Variants in KCNJ1 observed in about 807,000 individuals in gnomAD.
KCNJ1 encodes the protein ATP-sensitive inward rectifier potassium channel 1.
A neutral mutation model predicts 21.9 loss-of-function variants in KCNJ1; 24 were observed. The ratio of observed to expected loss-of-function variants is 1.10; its 90% CI spans 0.79 to 1.54. KCNJ1 has a LOEUF of 1.54. Ranked by LOEUF, KCNJ1 falls within the 40% of genes most tolerant of loss-of-function variation. The pLI is 0.00. For missense variants in KCNJ1, 457 were observed against 455.4 expected (o/e 1.00, Z -0.03); for synonymous variants, 152 against 160.9 (o/e 0.94, Z 0.42).
intron 1 of KCNJ1, 124 bp downstream of exon 1, chr11:128,867,045 TTCTA>T (rs1379470861): frequency 5.3e-5 from 8 of 152,214 alleles, no homozygotes; most frequent in African/African-American, 1.9e-4. Flanking sequence ...AAAACCATGC[TTCTA>T]TCTATCCCCC....
At chr11:128,862,063 C>T (rs552880383) in intron 1 of KCNJ1, among the ~76,000 whole-genome samples, 2 of 152,292 alleles carry the variant, frequency 1.3e-5, no homozygotes, top group African/African-American at 4.8e-5. Flanking sequence ...TGGGTCGCAC[C>T]GCTCATCTTG....
intron 1 of KCNJ1, among the ~76,000 whole-genome samples, chr11:128,865,854 C>T (rs1230547290): frequency 6.6e-6 from 1 of 152,020 alleles, no homozygotes; most frequent in Non-Finnish European, 1.5e-5. Context: ...TTACAAACTT[C>T]TTATATTAAA....
At chr11:128,855,780 T>C (rs1487512485) in intron 1 of KCNJ1, among the ~76,000 whole-genome samples, 2 of 152,188 alleles carry the variant, frequency 1.3e-5, no homozygotes, top group Non-Finnish European at 2.9e-5. Flanking sequence ...AATGCCAGGC[T>C]CCTTCCTTGT....
At chr11:128,848,490 C>T (rs1447172855) in intron 2 of KCNJ1, among the ~76,000 whole-genome samples, 1 of 152,110 alleles carries the variant, frequency 6.6e-6, no homozygotes, top group Non-Finnish European at 1.5e-5. Flanking sequence ...CCATGCCTGG[C>T]CTCTGTATTT....
chr11:128,841,655 G>A (rs759051369), intron 2 of KCNJ1, among the ~76,000 whole-genome samples: 3 of 152,128 alleles, frequency 2.0e-5, no homozygotes, highest in Non-Finnish European at 4.4e-5. Flanking sequence ...ACTAGGAAGC[G>A]AAACCAACTG....
chr11:128,845,000 A>G (rs557666823), intron 2 of KCNJ1, among the ~76,000 whole-genome samples: 1 of 152,246 alleles, frequency 6.6e-6, no homozygotes, highest in South Asian at 2.1e-4. Context: ...AAGTCAGATG[A>G]TTTTCTCTAG....
intron 1 of KCNJ1, among the ~76,000 whole-genome samples, chr11:128,858,269 A>C (rs1943627587): frequency 6.6e-6 from 1 of 152,000 alleles, no homozygotes; most frequent in Non-Finnish European, 1.5e-5. Context: ...TGCATGCTAC[A>C]GACCAAGCAG....
chr11:128,866,861 C>A (rs1943826073), intron 1 of KCNJ1, among the ~76,000 whole-genome samples: 2 of 152,164 alleles, frequency 1.3e-5, no homozygotes, highest in Non-Finnish European at 2.9e-5. Flanking sequence ...AGATGAAAAC[C>A]CTACATACAT....
intron 2 of KCNJ1, among the ~76,000 whole-genome samples, chr11:128,846,224 A>G (rs1943376754): frequency 6.6e-6 from 1 of 152,196 alleles, no homozygotes; most frequent in Non-Finnish European, 1.5e-5. Context: ...TAAGCAAACC[A>G]CTGACCTTTG....
intron 2 of KCNJ1, 44 bp from the exon 3 acceptor site, chr11:128,840,308 G>A: frequency 6.3e-7 from 1 of 1,584,290 alleles, no homozygotes; most frequent in Middle Eastern, 1.7e-4. Context: ...TATGTTTATA[G>A]CAATAGTGAA....
intron 1 of KCNJ1, among the ~76,000 whole-genome samples, chr11:128,863,000 T>C (rs1943748170): frequency 6.6e-6 from 1 of 152,228 alleles, no homozygotes; most frequent in Non-Finnish European, 1.5e-5. Flanking sequence ...TGAGTTCTGC[T>C]GAGCTCTTCA....
intron 1 of KCNJ1, among the ~76,000 whole-genome samples, chr11:128,859,679 T>A (rs996862495): frequency 6.6e-6 from 1 of 152,080 alleles, no homozygotes; most frequent in African/African-American, 2.4e-5. Flanking sequence ...TGGCCCTCCC[T>A]CCTCACCTCC....
intron 1 of KCNJ1, among the ~76,000 whole-genome samples, chr11:128,853,464 G>C (rs117092952): frequency 1.9e-3 from 283 of 152,340 alleles, no homozygotes; most frequent in Admixed American, 4.6e-3. Context: ...AATCTACAGA[G>C]AAAGAGAGTT....
rs769086871 is a variant in KCNJ1, at chr11:128,838,040, A to G, written c.*1085T>C. The G allele has an allele frequency of 3.3e-5, 5 of 152,478 alleles. No homozygotes were observed. The highest frequency in any genetic ancestry group is 1.9e-4 in the East Asian group (1 of 5,200). The allele number at this position is 152,478 out of a possible 1,614,324, so 9.4% of individuals were successfully genotyped here. A position where few individuals can be genotyped will look rare whatever the true frequency, so the allele number is the denominator to read the frequency against. ...GCATGCACAGTTTCAGAAATTTACT[A>G]TATTAATCAACACACTGAAAACATT... On this transcript the variant is annotated 3_prime_UTR_variant, in exon 3 of 3. Transcript: ENST00000392666.
intron 2 of KCNJ1, among the ~76,000 whole-genome samples, chr11:128,845,154 C>T (rs1237211664): frequency 6.6e-6 from 1 of 152,252 alleles, no homozygotes; most frequent in African/African-American, 2.4e-5. Context: ...CCCCTTCCTT[C>T]TTAATCAATA....
intron 2 of KCNJ1, among the ~76,000 whole-genome samples, chr11:128,850,124 C>G (rs1943457572): frequency 6.6e-6 from 1 of 152,076 alleles, no homozygotes; most frequent in Non-Finnish European, 1.5e-5. Flanking sequence ...CCTCTCTGGG[C>G]CTACATCACC....
chr11:128,860,599 C>T (rs1281888824), intron 1 of KCNJ1, among the ~76,000 whole-genome samples: 2 of 152,200 alleles, frequency 1.3e-5, no homozygotes, highest in Non-Finnish European at 2.9e-5. Flanking sequence ...AGCCCACTGC[C>T]ACCTCACGGG....
At chr11:128,862,854 C>G (rs891467473) in intron 1 of KCNJ1, among the ~76,000 whole-genome samples, 2 of 152,218 alleles carry the variant, frequency 1.3e-5, no homozygotes, top group Non-Finnish European at 1.5e-5. Flanking sequence ...AAAATGGTCA[C>G]ATGCACTTTC....
At chr11:128,840,503 T>C (rs1273095358) in intron 2 of KCNJ1, among the ~76,000 whole-genome samples, 1 of 151,388 alleles carries the variant, frequency 6.6e-6, no homozygotes, top group African/African-American at 2.5e-5. Context: ...GAGCTAGAAA[T>C]GAAGACAAAC....
Sources: allele counts gnomAD v4.1 joint callset (sites outside exome capture counted in the v4.1 genomes callset), GRCh38; gene constraint gnomAD v4.1.1; transcripts MANE v1.5; gene names NCBI Gene and HGNC (gene_info 2026-07-23, HGNC 2026-07-21).